Variants in TNFRSF10A observed in about 807,000 individuals in gnomAD.
The protein encoded by TNFRSF10A is tumor necrosis factor receptor superfamily member 10A.
Under a neutral mutation model 42.8 loss-of-function variants are expected in TNFRSF10A, and 44 were observed. The observed-to-expected ratio is 1.03, with a 90% CI of 0.81 to 1.32. The LOEUF (loss-of-function observed/expected upper bound fraction) is 1.32. Among genes scored for constraint, TNFRSF10A ranks in the 40% most tolerant of loss-of-function variants. TNFRSF10A has a pLI of 0.00. For synonymous variants in TNFRSF10A, 259 were observed against 234.2 expected, an observed-to-expected ratio of 1.11 and a Z score of -0.97; for missense variants, 680 against 602.0, an observed-to-expected ratio of 1.13 and a Z score of -1.36.
At position 23,199,298 on chromosome 8, in the gene TNFRSF10A, C is replaced by G. The variant is rs1208172796; in HGVS notation, c.982G>C (p.Val328Leu). 3.1e-6 allele frequency: 5 copies of G among 1,614,202 alleles called. No homozygotes were observed. Among genetic ancestry groups the G allele is most frequent in the Non-Finnish European group, 4.2e-6 (5 of 1,180,022 alleles). ...QEPADLTGVTVQSPGEAQCLL... is the reference protein window; with the variant it reads ...QEPADLTGVTLQSPGEAQCLL... ...CACTGTGCCTCCCCTGGGGACTGTA[C>G]AGTGACACCTGTCAAATCTGCCGGC... The change falls in exon 8 of 10, where the codon GTA (valine) becomes CTA (leucine). Residue 328 changes from valine (V) to leucine (L), a missense_variant. Transcript: ENST00000221132.
intron 1 of TNFRSF10A, among the ~76,000 whole-genome samples, chr8:23,217,870 C>T (rs899908164): frequency 9.2e-5 from 14 of 152,168 alleles, no homozygotes; most frequent in African/African-American, 2.4e-4. Flanking sequence ...ATCAATAACC[C>T]GAGTCACGAG....
chr8:23,216,741 C>T (rs77003928), intron 1 of TNFRSF10A, among the ~76,000 whole-genome samples: 1 of 108,664 alleles, frequency 9.2e-6, no homozygotes, highest in Admixed American at 9.5e-5. Flanking sequence ...GAAGCCAATT[C>T]AAAAAAAAAA....
chr8:23,200,541 C>T lies in TNFRSF10A; in HGVS notation c.763G>A (p.Val255Met), dbSNP rs764534412. The T allele has an allele frequency of 1.2e-6, 2 of 1,614,094 alleles. No individual in the cohort carries two copies. The highest frequency in any genetic ancestry group is 1.7e-6 in the Non-Finnish European group (2 of 1,180,042). ...VVTLVVPLLL[V>M]AVLIVCCCIG... ...CAACAACAGACAATCAGCACAGCCACCAACAGCAACGGAACAACCAAAGTC... is the reference window on the plus strand; with the variant it reads ...CAACAACAGACAATCAGCACAGCCATCAACAGCAACGGAACAACCAAAGTC... Residue 255 changes from valine to methionine, a missense_variant, in exon 6 of 10, where the codon GTG (valine) becomes ATG (methionine). Val to Met is a conservative substitution (Grantham distance 21, BLOSUM62 1). Coordinates refer to ENST00000221132, the MANE Select transcript of TNFRSF10A (RefSeq NM_003844.4).
intron 2 of TNFRSF10A, among the ~76,000 whole-genome samples, chr8:23,210,171 T>A (rs1190330241): frequency 6.6e-5 from 10 of 152,230 alleles, no homozygotes; most frequent in Non-Finnish European, 1.5e-4. Flanking sequence ...TGCAGCCACA[T>A]GGAACTGTTA....
intron 2 of TNFRSF10A, among the ~76,000 whole-genome samples, chr8:23,206,320 C>T (rs1406727046): frequency 3.3e-5 from 5 of 152,104 alleles, no homozygotes; most frequent in South Asian, 4.1e-4. Flanking sequence ...CAGGAATGTC[C>T]CAGGCCTTCA....
At chr8:23,222,944 C>G (rs940459217) in intron 1 of TNFRSF10A, among the ~76,000 whole-genome samples, 3 of 152,202 alleles carry the variant, frequency 2.0e-5, no homozygotes, top group Non-Finnish European at 4.4e-5. Flanking sequence ...CCCTTCACCA[C>G]CAGTGGAAGT....
In TNFRSF10A at chr8:23,214,634, C is replaced by T. The variant is rs79806457; in HGVS notation, c.307-2422G>A. ...TTCAATTTTTAAAATTGTATTAAGA[C>T]TTGTTTTGTGGCCTAACATATAGTG... On this transcript the variant is annotated intron_variant, in intron 1 of 9. Transcript: ENST00000221132. Among the ~76,000 whole-genome samples, 1,338 of 152,218 alleles carry T rather than the reference C, an allele frequency of 8.8e-3. 31 individuals carry two copies. The highest frequency in any genetic ancestry group is 0.03 in the African/African-American group (1,239 of 41,532).
In TNFRSF10A at chr8:23,199,153, G is replaced by A. The variant is rs546851454; in HGVS notation, c.1014+113C>T. ...TGGCTGCTTTTTCCCACGCAGCCCC[G>A]TCCCCTGCAGTCCCATCTCCCTCAG... On this transcript the variant is annotated intron_variant, in intron 8 of 9. Coordinates refer to ENST00000221132, the MANE Select transcript of TNFRSF10A (RefSeq NM_003844.4). The A allele has an allele frequency of 6.9e-5, 91 of 1,327,838 alleles. No homozygotes were observed. The South Asian group carries it at 7.3e-4, about 11-fold the overall frequency. 82.3% of individuals were successfully genotyped at this position (1,327,838 alleles called of 1,614,324 possible). A position where few individuals can be genotyped will look rare whatever the true frequency, so the allele number is the denominator to read the frequency against.
At chr8:23,218,765 G>A (rs978677996) in intron 1 of TNFRSF10A, among the ~76,000 whole-genome samples, 4 of 152,172 alleles carry the variant, frequency 2.6e-5, no homozygotes, top group Non-Finnish European at 5.9e-5. Flanking sequence ...CCCGAGGGTT[G>A]CTCATCCTCC....
At chr8:23,205,278 C>T (rs1223977534) in intron 2 of TNFRSF10A, among the ~76,000 whole-genome samples, 2 of 151,984 alleles carry the variant, frequency 1.3e-5, no homozygotes, top group Non-Finnish European at 1.5e-5. Context: ...ACGGTGGTCC[C>T]ATAATATTAT....
In TNFRSF10A at chr8:23,199,353, G is replaced by A. The variant is rs367754827; in HGVS notation, c.927C>T (p.Phe309=). ...ILSNADSLST[F]VSEQQMESQE... ...GGCTTTCCATTTGCTGCTCAGAGAC[G>A]AAAGTGGACAGCGAGTCTGCGTTGC... is the stretch of plus-strand genomic sequence containing the variant. The change falls in exon 8 of 10, where the codon TTC becomes TTT. Residue 309 remains phenylalanine, a synonymous_variant. Coordinates refer to ENST00000221132, the MANE Select transcript of TNFRSF10A (RefSeq NM_003844.4). 10 of 1,614,064 alleles carry A rather than the reference G, an allele frequency of 6.2e-6. No homozygotes were observed. In the African/African-American group the frequency reaches 8.0e-5, roughly 13 times the overall value.
intron 1 of TNFRSF10A, among the ~76,000 whole-genome samples, chr8:23,218,295 T>G (rs1244225383): frequency 6.6e-6 from 1 of 152,148 alleles, no homozygotes; most frequent in Non-Finnish European, 1.5e-5. Context: ...GGGGTTTCCT[T>G]GCCTTGTTCC....
intron 8 of TNFRSF10A, 141 bp downstream of exon 8, chr8:23,199,125 G>A: frequency 1.1e-6 from 1 of 932,394 alleles, no homozygotes; most frequent in East Asian, 2.7e-5. Flanking sequence ...CCCCTTGTGA[G>A]GGTGGCTGCT....
At chr8:23,193,013 C>T (rs1260356835) in intron 9 of TNFRSF10A, among the ~76,000 whole-genome samples, 2 of 152,216 alleles carry the variant, frequency 1.3e-5, no homozygotes, top group African/African-American at 4.8e-5. Flanking sequence ...TACTTTCTTA[C>T]ACATTGTTAC....
Position 23,225,036 on chromosome 8 carries a change from T to C in TNFRSF10A, c.26A>G (p.His9Arg), listed in dbSNP as rs1199728741. The C allele has an allele frequency of 6.4e-7, 1 of 1,558,426 alleles. No individual in the cohort carries two copies. The highest frequency in any genetic ancestry group is 1.8e-5 in the Admixed American group (1 of 54,852). MAPPPARVHLGAFLAVTPN... is the reference protein window; with the variant it reads MAPPPARVRLGAFLAVTPN... Reference sequence around the variant, plus strand: ...AGTCACTGCCAGGAACGCACCTAGATGTACTCTAGCTGGTGGTGGCGCCAT... The same window carrying C: ...AGTCACTGCCAGGAACGCACCTAGACGTACTCTAGCTGGTGGTGGCGCCAT... Residue 9 changes from histidine to arginine, a missense_variant, in exon 1 of 10, where the codon CAT becomes CGT. His to Arg is a conservative substitution (Grantham distance 29). Coordinates refer to ENST00000221132, the MANE Select transcript of TNFRSF10A (RefSeq NM_003844.4).
At chr8:23,193,998 T>C (rs1037023811) in intron 9 of TNFRSF10A, among the ~76,000 whole-genome samples, 4 of 152,164 alleles carry the variant, frequency 2.6e-5, no homozygotes, top group Admixed American at 2.6e-4. Context: ...GCGATGCTGT[T>C]TGGAGTCTGC....
At chr8:23,205,559 CAGA>C (rs1356169757) in intron 2 of TNFRSF10A, among the ~76,000 whole-genome samples, 2 of 151,990 alleles carry the variant, frequency 1.3e-5, no homozygotes, top group Non-Finnish European at 2.9e-5. Context: ...TGCAGTTTTC[CAGA>C]AGAAGGCATT....
intron 1 of TNFRSF10A, among the ~76,000 whole-genome samples, chr8:23,223,632 A>G (rs1801287654): frequency 6.6e-6 from 1 of 152,254 alleles, no homozygotes. Flanking sequence ...TTAGTTTGTT[A>G]AACAAAAACA....
At chr8:23,200,481 C>T in intron 6 of TNFRSF10A, 24 bp downstream of exon 6, 1 of 1,612,346 alleles carries the variant, frequency 6.2e-7, no homozygotes, top group Non-Finnish European at 8.5e-7. Flanking sequence ...GTGCCCAGAG[C>T]CCTTGCCCTC....
Sources: allele counts gnomAD v4.1 joint callset (sites outside exome capture counted in the v4.1 genomes callset), GRCh38; gene constraint gnomAD v4.1.1; transcripts MANE v1.5; gene names NCBI Gene and HGNC (gene_info 2026-07-23, HGNC 2026-07-21).